Variants in PAK5 observed in about 807,000 individuals in gnomAD.
The protein encoded by PAK5 is serine/threonine-protein kinase PAK 5.
In PAK5, 16 loss-of-function variants were observed where a neutral mutation model predicts 65.9. The ratio of observed to expected loss-of-function variants is 0.24; its 90% CI spans 0.16 to 0.37. The LOEUF (loss-of-function observed/expected upper bound fraction) is 0.37. PAK5 is among the 10% of genes least tolerant of loss of function. PAK5 has a pLI of 1.00. For missense variants in PAK5, 785 were observed against 903.9 expected (o/e 0.87, Z 1.69); for synonymous variants, 371 against 354.9 (o/e 1.05, Z -0.51).
intron 2 of PAK5, among the ~76,000 whole-genome samples, chr20:9,685,470 C>T (rs2047706177): frequency 6.6e-6 from 1 of 152,066 alleles, no homozygotes; most frequent in African/African-American, 2.4e-5. Flanking sequence ...AGAAAGAGAT[C>T]CACAGGACAA....
chr20:9,600,454 A>G (rs2046340364), intron 3 of PAK5, among the ~76,000 whole-genome samples: 1 of 152,194 alleles, frequency 6.6e-6, no homozygotes, highest in East Asian at 1.9e-4. Context: ...TCACCTTAAC[A>G]ATATTATGTC....
intron 8 of PAK5, among the ~76,000 whole-genome samples, chr20:9,543,226 C>A (rs1054216391): frequency 1.3e-5 from 2 of 152,068 alleles, no homozygotes; most frequent in Non-Finnish European, 2.9e-5. Flanking sequence ...CTTCCACTAC[C>A]TTTTATTATC....
chr20:9,749,911 C>T (rs538107005), intron 1 of PAK5, among the ~76,000 whole-genome samples: 119 of 152,238 alleles, frequency 7.8e-4, no homozygotes, highest in Middle Eastern at 6.8e-3. Context: ...AGATGGCACA[C>T]GTCCTCAGGC....
intron 2 of PAK5, among the ~76,000 whole-genome samples, chr20:9,662,922 C>T (rs13040271): frequency 0.019 from 2,892 of 152,234 alleles, 52 homozygotes; most frequent in Non-Finnish European, 0.031. Context: ...TCAAACTCCT[C>T]TGGCTTTTAA....
intron 2 of PAK5, among the ~76,000 whole-genome samples, chr20:9,659,955 C>T (rs1441539728): frequency 6.6e-6 from 1 of 152,078 alleles, no homozygotes; most frequent in Non-Finnish European, 1.5e-5. Context: ...AGCAAGTATG[C>T]CAAAGGGAAA....
chr20:9,653,595 C>T (rs574335211), intron 2 of PAK5, among the ~76,000 whole-genome samples: 1 of 152,348 alleles, frequency 6.6e-6, no homozygotes, highest in South Asian at 2.1e-4. Flanking sequence ...CATCATCCTG[C>T]ACATTCAATC....
chr20:9,816,645 G>A (rs2049360741), intron 1 of PAK5, among the ~76,000 whole-genome samples: 1 of 152,106 alleles, frequency 6.6e-6, no homozygotes, highest in Non-Finnish European at 1.5e-5. Flanking sequence ...ACTCAGATTG[G>A]AATCCATACT....
chr20:9,568,942 T>G (rs1436188057), intron 4 of PAK5, among the ~76,000 whole-genome samples: 1 of 152,208 alleles, frequency 6.6e-6, no homozygotes, highest in Non-Finnish European at 1.5e-5. Context: ...CAAACAGCCA[T>G]GTGAGCCATT....
intron 3 of PAK5, among the ~76,000 whole-genome samples, chr20:9,617,300 A>G (rs2046675281): frequency 6.6e-6 from 1 of 152,142 alleles, no homozygotes; most frequent in Admixed American, 6.5e-5. Flanking sequence ...TAAAATTTCA[A>G]TCAGTGGAAA....
chr20:9,602,220 G>A lies in PAK5; in HGVS notation c.205-21290C>T, dbSNP rs2046372824. On this transcript the variant is annotated intron_variant, in intron 3 of 9. Transcript: ENST00000353224. The stretch of plus-strand genomic sequence containing the variant: ...GCAGGAGAATCACTTGAACCCAGGA[G>A]GCGGAGGTTGCAGTGAGCCGAGATC... Among the ~76,000 whole-genome samples, 4 of 151,044 alleles carry A rather than the reference G, an allele frequency of 2.6e-5. No homozygotes were observed. The South Asian group carries it at 8.4e-4, about 32-fold the overall frequency.
At chr20:9,591,433 G>A (rs1027483604) in intron 3 of PAK5, among the ~76,000 whole-genome samples, 3 of 152,088 alleles carry the variant, frequency 2.0e-5, no homozygotes, top group African/African-American at 7.2e-5. Context: ...TCTGTGGGGG[G>A]CAGAATATAA....
chr20:9,554,543 G>A (rs76817847), intron 7 of PAK5, among the ~76,000 whole-genome samples: 5,589 of 152,266 alleles, frequency 0.037, 112 homozygotes, highest in African/African-American at 0.058. Context: ...AGCTATAAGA[G>A]ACAATACTAA....
chr20:9,772,367 A>G (rs1344693237), intron 1 of PAK5, among the ~76,000 whole-genome samples: 1 of 152,194 alleles, frequency 6.6e-6, no homozygotes, highest in African/African-American at 2.4e-5. Flanking sequence ...AGGTGTCTAT[A>G]AAAAGAAAAA....
intron 1 of PAK5, among the ~76,000 whole-genome samples, chr20:9,768,343 T>C (rs1237335077): frequency 2.6e-5 from 4 of 152,032 alleles, no homozygotes; most frequent in African/African-American, 9.7e-5. Flanking sequence ...CTGTAGACTA[T>C]AGATGGGGGA....
At chr20:9,771,442 T>G (rs150476584) in intron 1 of PAK5, among the ~76,000 whole-genome samples, 101 of 151,838 alleles carry the variant, frequency 6.7e-4, no homozygotes, top group South Asian at 2.7e-3. Flanking sequence ...AGGGTCTTGC[T>G]CTGTCACCCA....
intron 4 of PAK5, among the ~76,000 whole-genome samples, chr20:9,576,365 C>T (rs1321357433): frequency 6.6e-6 from 1 of 152,096 alleles, no homozygotes; most frequent in Non-Finnish European, 1.5e-5. Context: ...GCCAAGTTTG[C>T]CCTCTTCTGC....
At chr20:9,675,572 G>C (rs965134769) in intron 2 of PAK5, among the ~76,000 whole-genome samples, 2 of 152,156 alleles carry the variant, frequency 1.3e-5, no homozygotes, top group African/African-American at 4.8e-5. Flanking sequence ...TGAGCTCCCA[G>C]GCTCAAGCAA....
At chr20:9,791,600 C>G (rs2049051130) in intron 1 of PAK5, among the ~76,000 whole-genome samples, 1 of 152,100 alleles carries the variant, frequency 6.6e-6, no homozygotes, top group South Asian at 2.1e-4. Flanking sequence ...TGGATTTGGA[C>G]CTGACTCTCA....
intron 2 of PAK5, among the ~76,000 whole-genome samples, chr20:9,668,614 C>T (rs560389251): frequency 3.3e-5 from 5 of 152,266 alleles, no homozygotes; most frequent in Admixed American, 2.6e-4. Flanking sequence ...GTGAATTTTA[C>T]GAGAGCATAA....
Sources: allele counts gnomAD v4.1 joint callset (sites outside exome capture counted in the v4.1 genomes callset), GRCh38; gene constraint gnomAD v4.1.1; transcripts MANE v1.5; gene names NCBI Gene and HGNC (gene_info 2026-07-23, HGNC 2026-07-21).